Variants in AMPH observed in about 807,000 individuals in gnomAD.
The protein encoded by AMPH is amphiphysin.
In AMPH, 49 loss-of-function variants were observed where a neutral mutation model predicts 99.1. That is an observed-to-expected ratio of 0.49 (90% confidence interval 0.39 to 0.63). The LOEUF is 0.63. Ranked by LOEUF, AMPH falls within the 20% of genes least tolerant of loss-of-function variation. The probability of loss-of-function intolerance (pLI) is 0.00; values close to 1 mark genes in which losing one functional copy is unlikely to be tolerated. For synonymous variants in AMPH, 314 were observed against 317.3 expected, an observed-to-expected ratio of 0.99 and a Z score of 0.11; for missense variants, 759 against 863.4, an observed-to-expected ratio of 0.88 and a Z score of 1.52.
chr7:38,563,258 AGG>A (rs1791620250), intron 1 of AMPH, among the ~76,000 whole-genome samples: 1 of 66,430 alleles, frequency 1.5e-5, no homozygotes, highest in Non-Finnish European at 4.2e-5. Context: ...GTCTTCTGTA[AGG>A]AGAAGACTCT....
At chr7:38,532,893 G>C (rs1377645815) in intron 2 of AMPH, among the ~76,000 whole-genome samples, 1 of 152,158 alleles carries the variant, frequency 6.6e-6, no homozygotes, top group African/African-American at 2.4e-5. Context: ...AAAACTCCAA[G>C]AGCAAAGAAT....
chr7:38,394,124 C>G lies in AMPH; in HGVS notation c.1489G>C (p.Ala497Pro). ...APGEEAEAEK[A>P]TVPAGEGVSL... ...ACTCCTTCCCCGGCAGGGACAGTGG[C>G]CTTCTCCGCCTCTGCTTCCTCTCCT... The change falls in exon 18 of 21, where the codon GCC becomes CCC. Residue 497 changes from alanine to proline, a missense_variant. By Grantham distance (27) the Ala-to-Pro change is conservative. This residue lies in a region of AMPH where 554 missense variants were observed against 575.6 expected (regional missense o/e 0.96). Coordinates refer to ENST00000356264, the MANE Select transcript of AMPH (RefSeq NM_001635.4). The G allele has an allele frequency of 6.2e-7, 1 of 1,614,200 alleles. No homozygotes were observed.
intron 1 of AMPH, among the ~76,000 whole-genome samples, chr7:38,543,788 G>T (rs1387642190): frequency 6.6e-6 from 1 of 152,088 alleles, no homozygotes; most frequent in East Asian, 1.9e-4. Context: ...TGTGTTCCAT[G>T]GGAAATAATC....
chr7:38,470,798 G>T (rs1296746567), intron 7 of AMPH, among the ~76,000 whole-genome samples: 1 of 152,026 alleles, frequency 6.6e-6, no homozygotes, highest in East Asian at 1.9e-4. Flanking sequence ...ATATAAGCCA[G>T]ACTCAATCTT....
At chr7:38,486,397 A>G (rs917202547) in intron 5 of AMPH, among the ~76,000 whole-genome samples, 2 of 152,012 alleles carry the variant, frequency 1.3e-5, no homozygotes, top group Non-Finnish European at 2.9e-5. Context: ...AAGAAATGGA[A>G]GGTTTGAACA....
chr7:38,581,617 A>G (rs879491041), intron 1 of AMPH, among the ~76,000 whole-genome samples: 1 of 152,208 alleles, frequency 6.6e-6, no homozygotes, highest in Non-Finnish European at 1.5e-5. Context: ...GAACAGACTG[A>G]TGGCTGTGTG....
intron 2 of AMPH, among the ~76,000 whole-genome samples, chr7:38,521,888 A>G (rs1789978039): frequency 6.6e-6 from 1 of 151,988 alleles, no homozygotes; most frequent in Non-Finnish European, 1.5e-5. Context: ...TCCCATGTAC[A>G]CTCTTTGCTG....
At chr7:38,385,704 G>T (rs1259286081) in intron 20 of AMPH, among the ~76,000 whole-genome samples, 1 of 152,170 alleles carries the variant, frequency 6.6e-6, no homozygotes, top group Non-Finnish European at 1.5e-5. Context: ...GAAACAGTTT[G>T]CCCCAGAAAG....
intron 1 of AMPH, among the ~76,000 whole-genome samples, chr7:38,555,140 G>A (rs552500837): frequency 2.0e-5 from 3 of 152,150 alleles, no homozygotes; most frequent in East Asian, 3.9e-4. Flanking sequence ...ATCTCAAGTG[G>A]AGAATTTCAT....
chr7:38,398,189 A>AAAC (rs1784732177), intron 17 of AMPH, among the ~76,000 whole-genome samples: 2 of 150,766 alleles, frequency 1.3e-5, no homozygotes, highest in African/African-American at 4.9e-5. Context: ...ACTCAAAAAA[A>AAAC]AAAAAACAAA....
At chr7:38,524,970 C>T (rs1562806554) in intron 2 of AMPH, among the ~76,000 whole-genome samples, 1 of 151,926 alleles carries the variant, frequency 6.6e-6, no homozygotes, top group Non-Finnish European at 1.5e-5. Context: ...CCTGACACAT[C>T]TTGGCAAGAA....
intron 1 of AMPH, among the ~76,000 whole-genome samples, chr7:38,584,450 T>C (rs1353819484): frequency 1.3e-5 from 2 of 152,210 alleles, no homozygotes; most frequent in African/African-American, 2.4e-5. Context: ...GTCATGTTCA[T>C]GAGATGTCGC....
At chr7:38,420,780 T>C (rs1785555388) in intron 16 of AMPH, 1 of 339,572 alleles carries the variant, frequency 2.9e-6, no homozygotes, top group African/African-American at 2.1e-5. Context: ...CAAAGGGCTT[T>C]AGAGGCAACC....
At chr7:38,452,828 G>A (rs528978432) in intron 11 of AMPH, among the ~76,000 whole-genome samples, 3 of 152,270 alleles carry the variant, frequency 2.0e-5, no homozygotes, top group Admixed American at 6.5e-5. Context: ...TCCCAGACCT[G>A]CCAAATCAGA....
chr7:38,624,163 G>C (rs1475253775), intron 1 of AMPH, among the ~76,000 whole-genome samples: 2 of 152,226 alleles, frequency 1.3e-5, no homozygotes, highest in Non-Finnish European at 2.9e-5. Flanking sequence ...ACATGGAAAG[G>C]CAAATCAGTA....
chr7:38,588,037 G>A (rs1310468112), intron 1 of AMPH, among the ~76,000 whole-genome samples: 1 of 151,268 alleles, frequency 6.6e-6, no homozygotes, highest in Non-Finnish European at 1.5e-5. Flanking sequence ...CTGCAGCCTC[G>A]ACCTCCTGGG....
rs1192157093 is a variant in AMPH at position 38,383,762 on chromosome 7, A to G, written c.*1056T>C. 3.3e-5 allele frequency: 5 copies of G among 152,590 alleles called. No individual in the cohort carries two copies. Among genetic ancestry groups the G allele is most frequent in the African/African-American group, 4.8e-5 (2 of 41,420 alleles). 9.5% of individuals were successfully genotyped at this position (152,590 alleles called of 1,614,324 possible). On this transcript the variant is annotated 3_prime_UTR_variant, in exon 21 of 21. Transcript: ENST00000356264. ...TTTGGAATGACACAGCACTGAAAAC[A>G]TAATTGTTACAGATGATTTGTGGAT... is the stretch of plus-strand genomic sequence containing the variant.
intron 12 of AMPH, among the ~76,000 whole-genome samples, chr7:38,433,348 C>A (rs1029856791): frequency 1.3e-5 from 2 of 152,154 alleles, no homozygotes; most frequent in East Asian, 3.9e-4. Flanking sequence ...CCATGGAAAG[C>A]CACAGTTTTT....
At chr7:38,446,021 G>A (rs1232897254) in intron 11 of AMPH, among the ~76,000 whole-genome samples, 1 of 152,182 alleles carries the variant, frequency 6.6e-6, no homozygotes, top group Non-Finnish European at 1.5e-5. Context: ...AGCTCGCTGA[G>A]GCCTCCCCAG....
Sources: gnomAD v4.1 joint callset for allele counts (sites outside exome capture counted in the v4.1 genomes callset) on GRCh38, gnomAD v4.1.1 for gene constraint, gnomAD v4.1.1 regional missense constraint, MANE v1.5 for transcripts, NCBI Gene and HGNC (gene_info 2026-07-23, HGNC 2026-07-21) for gene names.